MAPK10: variants seen among roughly 807,000 people sequenced by gnomAD.
MAPK10 encodes mitogen-activated protein kinase 10.
A neutral mutation model predicts 59.3 loss-of-function variants in MAPK10; 25 were observed. The ratio of observed to expected loss-of-function variants is 0.42; its 90% CI spans 0.31 to 0.59. The LOEUF (loss-of-function observed/expected upper bound fraction) is 0.59. MAPK10 is among the 20% of genes least tolerant of loss of function. The probability of loss-of-function intolerance (pLI) is 0.15; values close to 1 mark genes in which losing one functional copy is unlikely to be tolerated. For synonymous variants in MAPK10, 190 were observed against 200.5 expected (o/e 0.95, Z 0.44); for missense variants, 351 against 568.9 (o/e 0.62, Z 3.90).
At chr4:86,471,384 G>C (rs1038408027) in intron 1 of MAPK10, among the ~76,000 whole-genome samples, 2 of 151,532 alleles carry the variant, frequency 1.3e-5, no homozygotes, top group Non-Finnish European at 2.9e-5. Flanking sequence ...TATTTCGTAA[G>C]TGTTAAACTG....
chr4:86,194,108 C>A, intron 3 of MAPK10: 1 of 505,308 alleles, frequency 2.0e-6, no homozygotes, highest in South Asian at 2.4e-5. Context: ...TGAGATGAAC[C>A]AGGTACCTCA....
chr4:86,407,369 G>C (rs368704036), intron 1 of MAPK10, among the ~76,000 whole-genome samples: 1 of 152,128 alleles, frequency 6.6e-6, no homozygotes, highest in African/African-American at 2.4e-5. Flanking sequence ...GTTCAGTCTC[G>C]AATGGAAAGA....
intron 2 of MAPK10, among the ~76,000 whole-genome samples, chr4:86,346,235 T>C (rs1272580087): frequency 6.6e-6 from 1 of 152,148 alleles, no homozygotes; most frequent in Non-Finnish European, 1.5e-5. Flanking sequence ...TCACAAGCTA[T>C]CTTCACTGGA....
At chr4:86,191,269 T>C (rs186921555) in intron 3 of MAPK10, among the ~76,000 whole-genome samples, 97 of 152,302 alleles carry the variant, frequency 6.4e-4, no homozygotes, top group South Asian at 8.3e-4. Context: ...GTCCACTTGG[T>C]CCAGAGCTGC....
At chr4:86,480,002 G>A (rs563256557) in intron 1 of MAPK10, among the ~76,000 whole-genome samples, 19 of 151,558 alleles carry the variant, frequency 1.3e-4, no homozygotes, top group Non-Finnish European at 1.8e-4. Flanking sequence ...AAAAATTTTC[G>A]CCACCCCAAC....
At chr4:86,223,577 C>T (rs1484190739) in intron 2 of MAPK10, among the ~76,000 whole-genome samples, 1 of 152,164 alleles carries the variant, frequency 6.6e-6, no homozygotes, top group Non-Finnish European at 1.5e-5. Context: ...TCCACTGAGG[C>T]CTCCTTGCTA....
intron 3 of MAPK10, among the ~76,000 whole-genome samples, chr4:86,184,418 A>G (rs2077667105): frequency 6.6e-6 from 1 of 152,188 alleles, no homozygotes. Context: ...ATTTTACACC[A>G]CAGCAGGATC....
At position 86,492,462 on chromosome 4, in the gene MAPK10, T is replaced by C. The variant is rs536149142; in HGVS notation, c.-263+101448A>G. Among the ~76,000 whole-genome samples, 10 of 152,310 alleles carry C rather than the reference T, an allele frequency of 6.6e-5. No individual in the cohort carries two copies. The East Asian group carries it at 1.7e-3, about 27-fold the overall frequency. ...TATCCTTGTTAGTTCTGCAGCAAAATGGTTTCAGTGTCTAGGCTTTGGAGC... is the reference window on the plus strand; with the variant it reads ...TATCCTTGTTAGTTCTGCAGCAAAACGGTTTCAGTGTCTAGGCTTTGGAGC... On this transcript the variant is annotated intron_variant, in intron 1 of 4. Coordinates refer to the MAPK10 transcript ENST00000502302.
intron 2 of MAPK10, among the ~76,000 whole-genome samples, chr4:86,335,700 G>T (rs1246944208): frequency 6.6e-6 from 1 of 152,072 alleles, no homozygotes; most frequent in African/African-American, 2.4e-5. Flanking sequence ...AGTTCCACAT[G>T]GCTGGGAGGC....
chr4:86,217,907 A>C (rs2088203186), intron 2 of MAPK10, among the ~76,000 whole-genome samples: 1 of 152,130 alleles, frequency 6.6e-6, no homozygotes, highest in African/African-American at 2.4e-5. Flanking sequence ...TAGCAATGGA[A>C]TGTTGTCCAC....
intron 1 of MAPK10, among the ~76,000 whole-genome samples, chr4:86,426,635 A>T (rs574750730): frequency 1.4e-4 from 22 of 152,304 alleles, no homozygotes; most frequent in African/African-American, 5.3e-4. Context: ...TGAAAAACAC[A>T]TCAGGAAAGT....
At chr4:86,545,476 G>A (rs964426835) in intron 1 of MAPK10, among the ~76,000 whole-genome samples, 1 of 152,150 alleles carries the variant, frequency 6.6e-6, no homozygotes, top group Admixed American at 6.6e-5. Flanking sequence ...AGGCCGTGAC[G>A]AAAAGACCTC....
intron 9 of MAPK10, among the ~76,000 whole-genome samples, chr4:86,069,971 T>G (rs999966232): frequency 6.6e-6 from 1 of 152,188 alleles, no homozygotes; most frequent in African/African-American, 2.4e-5. Context: ...TGGAATTTGT[T>G]AAATAAGAAT....
chr4:86,044,619 A>AT, intron 11 of MAPK10: 1 of 396,116 alleles, frequency 2.5e-6, no homozygotes. Flanking sequence ...ATATACTATG[A>AT]TTTTAAAGAA....
chr4:86,240,671 TA>T (rs112055451), intron 2 of MAPK10, among the ~76,000 whole-genome samples: 8,611 of 151,276 alleles, frequency 0.057, 361 homozygotes, highest in African/African-American at 0.11. Flanking sequence ...CGTGCCTTTT[TA>T]TTTTTTTCCA....
At chr4:86,269,628 C>G (rs1312016683) in intron 2 of MAPK10, among the ~76,000 whole-genome samples, 1 of 152,110 alleles carries the variant, frequency 6.6e-6, no homozygotes, top group Non-Finnish European at 1.5e-5. Context: ...TCCTCCCTGT[C>G]TCTACTCCCA....
chr4:86,573,557 AT>A (rs1565062104), intron 1 of MAPK10, among the ~76,000 whole-genome samples: 1 of 152,140 alleles, frequency 6.6e-6, no homozygotes, highest in African/African-American at 2.4e-5. Flanking sequence ...TTTTAAAATC[AT>A]TTTGCTTATA....
chr4:86,308,077 T>A (rs2095602369), intron 2 of MAPK10, among the ~76,000 whole-genome samples: 1 of 152,156 alleles, frequency 6.6e-6, no homozygotes. Flanking sequence ...CTGACACTAG[T>A]CCATTAGGGA....
At chr4:86,594,012 G>C (rs1763332910) in exon 1 of MAPK10, 1 of 152,256 alleles carries the variant, frequency 6.6e-6, no homozygotes, top group Non-Finnish European at 1.5e-5. Flanking sequence ...CTAAAAGTTG[G>C]AGTTCACCAC....
Sources: gnomAD v4.1 joint callset for allele counts (sites outside exome capture counted in the v4.1 genomes callset) on GRCh38, gnomAD v4.1.1 for gene constraint, MANE v1.5 for transcripts, NCBI Gene and HGNC (gene_info 2026-07-23, HGNC 2026-07-21) for gene names.